Variants in DNAH9 observed in about 807,000 individuals in gnomAD.
DNAH9 encodes the protein DNAH9 variant protein.
DNAH9 carries 345 observed loss-of-function variants against 471.6 expected under a neutral mutation model. The observed-to-expected ratio is 0.73, with a 90% CI of 0.67 to 0.80. DNAH9 has a LOEUF of 0.80. Among genes scored for constraint, DNAH9 ranks in the 30% least tolerant of loss-of-function variants. DNAH9 has a pLI of 0.00. For missense variants in DNAH9, 5,407 were observed against 5,609.2 expected, an observed-to-expected ratio of 0.96 and a Z score of 1.15; for synonymous variants, 2,093 against 2,123.6, an observed-to-expected ratio of 0.99 and a Z score of 0.40.
At position 11,834,621 on chromosome 17, in the gene DNAH9, G is replaced by A. The variant is rs3744585; in HGVS notation, c.9247-17G>A. The A allele has an allele frequency of 0.34, 549,973 of 1,611,682 alleles. 95,036 individuals carry two copies. Among genetic ancestry groups the A allele is most frequent in the Admixed American group, 0.44 (26,282 of 59,758 alleles). ...CCAGTCACAACTCCTGATAAGTCCC[G>A]TGCTTCTCCAATGCAGGTGGATGAT... On this transcript the variant is annotated splice_polypyrimidine_tract_variant and intron_variant, in intron 48 of 68. Transcript: ENST00000262442.
At chr17:11,706,920 A>G (rs1166259975) in intron 26 of DNAH9, among the ~76,000 whole-genome samples, 2 of 152,202 alleles carry the variant, frequency 1.3e-5, no homozygotes, top group Admixed American at 6.5e-5. Context: ...GTAGTCAGCC[A>G]TAAAGGAGTC....
At chr17:11,917,498 C>T (rs532949124) in intron 61 of DNAH9, among the ~76,000 whole-genome samples, 1 of 152,294 alleles carries the variant, frequency 6.6e-6, no homozygotes, top group South Asian at 2.1e-4. Context: ...TCCACCCTCA[C>T]TGTTTTCCTT....
At chr17:11,609,185 G>A (rs1219462655) in intron 2 of DNAH9, among the ~76,000 whole-genome samples, 1 of 152,170 alleles carries the variant, frequency 6.6e-6, no homozygotes, top group Non-Finnish European at 1.5e-5. Flanking sequence ...CGAAGAATAA[G>A]TAACGCATGC....
intron 27 of DNAH9, among the ~76,000 whole-genome samples, chr17:11,723,807 A>G (rs150206815): frequency 0.011 from 1,730 of 151,964 alleles, 18 homozygotes; most frequent in Middle Eastern, 0.024. Flanking sequence ...AGCTTGGACT[A>G]CAGGCGCCCG....
At chr17:11,948,526 G>A (rs1002868148) in intron 67 of DNAH9, among the ~76,000 whole-genome samples, 3 of 152,052 alleles carry the variant, frequency 2.0e-5, no homozygotes, top group Non-Finnish European at 2.9e-5. Flanking sequence ...CACCGCACCC[G>A]GCCTCCTCTG....
intron 1 of DNAH9, among the ~76,000 whole-genome samples, chr17:11,604,845 T>A (rs752846552): frequency 6.6e-6 from 1 of 152,182 alleles, no homozygotes; most frequent in South Asian, 2.1e-4. Flanking sequence ...TAGCACCAAC[T>A]TGGTAGGTGG....
chr17:11,726,663 T>C (rs2075157889), intron 27 of DNAH9, among the ~76,000 whole-genome samples: 1 of 152,168 alleles, frequency 6.6e-6, no homozygotes, highest in Admixed American at 6.5e-5. Context: ...TTTTTATGTA[T>C]ATACCTTATC....
chr17:11,634,801 T>C (rs2073130514), intron 8 of DNAH9, among the ~76,000 whole-genome samples: 2 of 152,196 alleles, frequency 1.3e-5, no homozygotes, highest in South Asian at 2.1e-4. Context: ...TCTCCATACC[T>C]GGTCATTCTG....
At chr17:11,697,789 T>G (rs1245044679) in intron 22 of DNAH9, among the ~76,000 whole-genome samples, 1 of 152,100 alleles carries the variant, frequency 6.6e-6, no homozygotes, top group African/African-American at 2.4e-5. Context: ...ATTTAATTTT[T>G]TGTGTCAATT....
At position 11,929,968 on chromosome 17, in the gene DNAH9, C is replaced by T. The variant is rs1974451919; in HGVS notation, c.11980C>T (p.Pro3994Ser). Residue 3994 changes from proline (P) to serine (S), a missense_variant, in exon 63 of 69, where the codon CCA becomes TCA. Pro to Ser is a moderately conservative substitution (Grantham distance 74, BLOSUM62 -1). This residue lies in a region of DNAH9 where 4,636 missense variants were observed against 4,900.3 expected (regional missense o/e 0.95). Coordinates refer to ENST00000262442, the MANE Select transcript of DNAH9 (RefSeq NM_001372.4). Reference protein sequence around the residue: ...PEFRVFMSAEPAPSPEGHIIP... With the variant: ...PEFRVFMSAESAPSPEGHIIP... ...GTTCAGGGTCTTCATGAGTGCAGAG[C>T]CAGCACCCTCCCCTGAGGGCCACAT... The T allele has an allele frequency of 6.2e-6, 10 of 1,614,040 alleles. No homozygotes were observed. Among genetic ancestry groups the T allele is most frequent in the African/African-American group, 2.7e-5 (2 of 75,018 alleles).
intron 49 of DNAH9, among the ~76,000 whole-genome samples, chr17:11,848,430 G>A (rs559982643): frequency 1.7e-4 from 26 of 151,552 alleles, no homozygotes; most frequent in Non-Finnish European, 3.4e-4. Flanking sequence ...ATATTTCCCA[G>A]TGTTGAAAGG....
intron 38 of DNAH9, among the ~76,000 whole-genome samples, chr17:11,778,308 C>T (rs1383754517): frequency 1.7e-4 from 18 of 107,348 alleles, no homozygotes; most frequent in Non-Finnish European, 6.8e-5. Flanking sequence ...CCAGCCTGGG[C>T]GACAGAGTGA....
chr17:11,719,621 TCA>T (rs757121440), intron 27 of DNAH9, 131 bp downstream of exon 27: 2 of 859,136 alleles, frequency 2.3e-6, no homozygotes, highest in Non-Finnish European at 1.8e-6. Flanking sequence ...TCAGGAGGTC[TCA>T]GTTTGCTCCT....
intron 67 of DNAH9, among the ~76,000 whole-genome samples, chr17:11,952,942 T>C (rs958024819): frequency 3.2e-4 from 48 of 152,278 alleles, no homozygotes; most frequent in African/African-American, 1.2e-3. Flanking sequence ...TCTGCTGGGC[T>C]TGTAGAGAGG....
In DNAH9 at chr17:11,699,722, C is replaced by A; in HGVS notation, c.4873-9C>A. 1 of 1,613,892 alleles carries A rather than the reference C, an allele frequency of 6.2e-7. No individual in the cohort carries two copies. Among genetic ancestry groups the A allele is most frequent in the Non-Finnish European group, 8.5e-7 (1 of 1,179,802 alleles). ...TTTTATGATCCATTGGCCTGGTTTC[C>A]CTTCATAGGTTCAACGTCACCTTTC... On this transcript the variant is annotated splice_polypyrimidine_tract_variant and intron_variant, in intron 22 of 68. Transcript: ENST00000262442.
chr17:11,607,223 G>A (rs2072527214), intron 1 of DNAH9, among the ~76,000 whole-genome samples: 2 of 152,046 alleles, frequency 1.3e-5, no homozygotes, highest in African/African-American at 4.8e-5. Context: ...GATGAGGGAG[G>A]GATTCCTGCC....
intron 48 of DNAH9, among the ~76,000 whole-genome samples, chr17:11,830,160 G>A (rs12946763): frequency 0.13 from 19,808 of 152,138 alleles, 1,501 homozygotes; most frequent in East Asian, 0.31. Flanking sequence ...CTGTTTCTGC[G>A]TCAATGTCAG....
chr17:11,853,561 C>T (rs1165952849), intron 49 of DNAH9, among the ~76,000 whole-genome samples: 2 of 152,064 alleles, frequency 1.3e-5, no homozygotes, highest in African/African-American at 4.8e-5. Flanking sequence ...GTAGTTAGAA[C>T]AAGCTCATGG....
chr17:11,719,506 G>A lies in DNAH9; in HGVS notation c.5709+16G>A. ...GGATTACAAGGTACAGTTCCACCCGGCTTCCTGGGGGTGGGGGTGGGGGAT... is the reference window on the plus strand; with the variant it reads ...GGATTACAAGGTACAGTTCCACCCGACTTCCTGGGGGTGGGGGTGGGGGAT... On this transcript the variant is annotated intron_variant, in intron 27 of 68. Transcript: ENST00000262442. 18 of 1,596,028 alleles carry A rather than the reference G, an allele frequency of 1.1e-5. No individual in the cohort carries two copies. The highest frequency in any genetic ancestry group is 1.5e-5 in the Non-Finnish European group (18 of 1,169,536).
Sources: allele counts gnomAD v4.1 joint callset (sites outside exome capture counted in the v4.1 genomes callset), GRCh38; gene constraint gnomAD v4.1.1; regional missense constraint gnomAD v4.1.1; transcripts MANE v1.5; gene names NCBI Gene and HGNC (gene_info 2026-07-23, HGNC 2026-07-21).